ZNF736: variants seen among roughly 807,000 people sequenced by gnomAD.
ZNF736 encodes the protein KRAB-containing zinc-finger repressor protein.
In ZNF736, 6 loss-of-function variants were observed where a neutral mutation model predicts 11.7. That is an observed-to-expected ratio of 0.51 (90% CI 0.28 to 1.01). The LOEUF is 1.01. Ranked by LOEUF, ZNF736 falls within the 50% of genes least tolerant of loss-of-function variation. The probability of loss-of-function intolerance (pLI) is 0.09; values close to 1 mark genes in which losing one functional copy is unlikely to be tolerated. For missense variants in ZNF736, 444 were observed against 496.0 expected, an observed-to-expected ratio of 0.90 and a Z score of 1.00; for synonymous variants, 139 against 164.7, an observed-to-expected ratio of 0.84 and a Z score of 1.19.
chr7:64,343,233 CA>C (rs957411174), intron 3 of ZNF736, among the ~76,000 whole-genome samples: 2 of 151,388 alleles, frequency 1.3e-5, no homozygotes, highest in Non-Finnish European at 2.9e-5. Flanking sequence ...ACTACACAGC[CA>C]AAAAAAATTG....
rs1160711305 is a variant in ZNF736, at chr7:64,356,236, G to C, written c.*7089G>C. 6.6e-6 allele frequency: 1 copy of C among 152,080 alleles called. No individual in the cohort carries two copies. 9.4% of individuals were successfully genotyped at this position (152,080 alleles called of 1,614,324 possible). A position where few individuals can be genotyped will look rare whatever the true frequency, so the allele number is the denominator to read the frequency against. ...TAAATGAATCTATTTCAGTTTTTGT[G>C]GGTAATTTAGCCAGTAAATTTAATC... is the stretch of plus-strand genomic sequence containing the variant. On this transcript the variant is annotated 3_prime_UTR_variant, in exon 4 of 4. Coordinates refer to ENST00000423484, the MANE Select transcript of ZNF736 (RefSeq NM_001170905.3).
chr7:64,335,059 C>T (rs1195010431), intron 1 of ZNF736, among the ~76,000 whole-genome samples: 4 of 152,100 alleles, frequency 2.6e-5, no homozygotes, highest in East Asian at 1.9e-4. Flanking sequence ...AACCAAACAC[C>T]GCATGTTCTC....
At chr7:64,320,928 C>T (rs1478497828) in intron 1 of ZNF736, among the ~76,000 whole-genome samples, 1 of 152,156 alleles carries the variant, frequency 6.6e-6, no homozygotes, top group Non-Finnish European at 1.5e-5. Context: ...TTTACCCAGG[C>T]ATTTGCAAGA....
Position 64,348,246 on chromosome 7 carries a change from G to A in ZNF736, c.383G>A (p.Ser128Asn). ...GTGGGTAATTGCAAGGGGCAGAAAA[G>A]CAGTTATAATGGCCTTCATCAATGT... ...QSVGNCKGQK[S>N]SYNGLHQCLS... Residue 128 changes from serine to asparagine, a missense_variant, in exon 4 of 4, where the codon AGC becomes AAC. Transcript: ENST00000423484. 1 of 1,551,972 alleles carries A rather than the reference G, an allele frequency of 6.4e-7. No homozygotes were observed. Among genetic ancestry groups the A allele is most frequent in the South Asian group, 1.2e-5 (1 of 84,050 alleles).
chr7:64,352,790 A>G lies in ZNF736; in HGVS notation c.*3643A>G, dbSNP rs565768425. ...TCAAAGCCTGAAGGCTGGAATGGCT[A>G]AGTTGCTCAAGCAGCAAAGATGGTG... is the stretch of plus-strand genomic sequence containing the variant. On this transcript the variant is annotated 3_prime_UTR_variant, in exon 4 of 4. Transcript: ENST00000423484. 2 of 152,470 alleles carry G rather than the reference A, an allele frequency of 1.3e-5. No individual in the cohort carries two copies. The highest frequency in any genetic ancestry group is 3.9e-4 in the East Asian group (2 of 5,162). 9.4% of individuals were successfully genotyped at this position (152,470 alleles called of 1,614,324 possible).
chr7:64,338,450 C>A (rs1273034889), intron 3 of ZNF736, among the ~76,000 whole-genome samples: 1 of 152,168 alleles, frequency 6.6e-6, no homozygotes, highest in African/African-American at 2.4e-5. Flanking sequence ...GTTACCATAA[C>A]TTGTTTGTCT....
Position 64,348,629 on chromosome 7 carries a change from C to A in ZNF736, c.766C>A (p.Pro256Thr), listed in dbSNP as rs1445435203. Residue 256 changes from proline to threonine, a missense_variant, in exon 4 of 4, where the codon CCC becomes ACC. By Grantham distance (38) the Pro-to-Thr change is conservative. Coordinates refer to ENST00000423484, the MANE Select transcript of ZNF736 (RefSeq NM_001170905.3). ...CAAGAGAAATCATACTGGAGACAGA[C>A]CCTACAAATGTGAAGAATGTGGCAA... ...KHKRNHTGDR[P>T]YKCEECGKAF... 2 of 1,605,384 alleles carry A rather than the reference C, an allele frequency of 1.2e-6. No individual in the cohort carries two copies. Among genetic ancestry groups the A allele is most frequent in the Admixed American group, 1.7e-5 (1 of 58,668 alleles).
intron 3 of ZNF736, 54 bp downstream of exon 3, chr7:64,337,036 G>C: frequency 6.9e-7 from 1 of 1,459,676 alleles, no homozygotes; most frequent in South Asian, 1.2e-5. Flanking sequence ...CAATGTCAAG[G>C]AGGAAGCCAA....
At chr7:64,346,328 CTTT>C (rs796207677) in intron 3 of ZNF736, among the ~76,000 whole-genome samples, 1 of 136,128 alleles carries the variant, frequency 7.3e-6, no homozygotes, top group Non-Finnish European at 1.6e-5. Flanking sequence ...GCCATTTTGT[CTTT>C]TTTTTTTATT....
Position 64,355,169 on chromosome 7 carries a change from A to T in ZNF736, c.*6022A>T. On this transcript the variant is annotated 3_prime_UTR_variant, in exon 4 of 4. Transcript: ENST00000423484. ...ATTTTCAGATTATGTTTCTACATTT[A>T]AACATCTACTGGGGGAGGCAGAGGC... 6.2e-6 allele frequency: 1 copy of T among 161,802 alleles called. No homozygotes were observed. The allele number at this position is 161,802 out of a possible 1,614,324, so 10.0% of individuals were successfully genotyped here. A position where few individuals can be genotyped will look rare whatever the true frequency, so the allele number is the denominator to read the frequency against.
In ZNF736 at chr7:64,348,493, TAA is replaced by T. The variant is rs1304265271; in HGVS notation, c.634_635del (p.Lys212ValfsTer6). ...AATGTGAAGAATGTGGCAAAGCGTT[TAA>T]AAAGTTTTCAAACCTTACTGAACAT... ...YKCEECGKAFKKFSNLTEHKR... is the reference protein window; with the variant it reads ...YKCEECGKAFXKFSNLTEHKR... On this transcript the variant is annotated frameshift_variant, in exon 4 of 4. Coordinates refer to ENST00000423484, the MANE Select transcript of ZNF736 (RefSeq NM_001170905.3). LOFTEE classifies it low-confidence loss of function (END_TRUNC). 1.3e-6 allele frequency: 2 copies of T among 1,562,248 alleles called. No homozygotes were observed. The highest frequency in any genetic ancestry group is 2.7e-5 in the African/African-American group (2 of 73,284).
chr7:64,346,720 A>AT (rs1403670284), intron 3 of ZNF736, among the ~76,000 whole-genome samples: 2 of 151,542 alleles, frequency 1.3e-5, no homozygotes, highest in Non-Finnish European at 1.5e-5. Flanking sequence ...ATTTTCTTAT[A>AT]TTTTTTACTA....
At chr7:64,329,312 T>A (rs1421447990) in intron 1 of ZNF736, among the ~76,000 whole-genome samples, 3 of 152,192 alleles carry the variant, frequency 2.0e-5, no homozygotes, top group African/African-American at 7.2e-5. Context: ...TTTGTGAATG[T>A]TCATTGAAGT....
intron 1 of ZNF736, among the ~76,000 whole-genome samples, chr7:64,319,153 G>A (rs576830579): frequency 6.6e-6 from 1 of 151,850 alleles, no homozygotes; most frequent in African/African-American, 2.4e-5. Flanking sequence ...GTCGGCAAGA[G>A]AAGAAACGGA....
In ZNF736 at chr7:64,355,256, C is replaced by T. The variant is rs186248776; in HGVS notation, c.*6109C>T. 211 of 171,554 alleles carry T rather than the reference C, an allele frequency of 1.2e-3. No individual in the cohort carries two copies. Among genetic ancestry groups the T allele is most frequent in the Non-Finnish European group, 1.7e-3 (119 of 71,546 alleles). 10.6% of individuals were successfully genotyped at this position (171,554 alleles called of 1,614,324 possible). A position where few individuals can be genotyped will look rare whatever the true frequency, so the allele number is the denominator to read the frequency against. On this transcript the variant is annotated 3_prime_UTR_variant, in exon 4 of 4. Transcript: ENST00000423484. ...GGTTAAGAGTATGCACCACAGGTATCGAAACCTAAAATGCCCTGAACTCTT... is the reference window on the plus strand; with the variant it reads ...GGTTAAGAGTATGCACCACAGGTATTGAAACCTAAAATGCCCTGAACTCTT...
intron 1 of ZNF736, among the ~76,000 whole-genome samples, chr7:64,315,106 C>G (rs796615114): frequency 6.6e-6 from 1 of 152,146 alleles, no homozygotes; most frequent in African/African-American, 2.4e-5. Flanking sequence ...TTTTCAAGCT[C>G]TTGCTTCACC....
chr7:64,323,964 A>G (rs112028619), intron 1 of ZNF736, among the ~76,000 whole-genome samples: 3,711 of 152,302 alleles, frequency 0.024, 159 homozygotes, highest in African/African-American at 0.085. Context: ...CATAGTAAAC[A>G]CATACCAACT....
intron 1 of ZNF736, among the ~76,000 whole-genome samples, chr7:64,321,882 C>T (rs1315001838): frequency 2.6e-5 from 4 of 152,182 alleles, no homozygotes; most frequent in Non-Finnish European, 4.4e-5. Context: ...GCCTGGAAGA[C>T]TCAGATGCAT....
rs1211306083 is a variant in ZNF736, at chr7:64,337,749, T to TTGG, written c.226+768_226+769insGGT. ...TTTTTTTGTTTTGTTTTGTTTTGTTTTTTTTGGTTTTTTTTTTTTTTTGAG... is the reference window on the plus strand; with the variant it reads ...TTTTTTTGTTTTGTTTTGTTTTGTTTTGGTTTTTGGTTTTTTTTTTTTTTTGAG... On this transcript the variant is annotated intron_variant, in intron 3 of 3. Coordinates refer to ENST00000423484, the MANE Select transcript of ZNF736 (RefSeq NM_001170905.3). Among the ~76,000 whole-genome samples the TTGG allele has an allele frequency of 6.2e-3, 445 of 71,314 alleles. 5 individuals carry two copies. The highest frequency in any genetic ancestry group is 0.018 in the African/African-American group (396 of 22,422). 46.8% of individuals were successfully genotyped at this position (71,314 alleles called of 152,430 possible). A position where few individuals can be genotyped will look rare whatever the true frequency, so the allele number is the denominator to read the frequency against.
Sources: gnomAD v4.1 joint callset for allele counts (sites outside exome capture counted in the v4.1 genomes callset) on GRCh38, gnomAD v4.1.1 for gene constraint, MANE v1.5 for transcripts, NCBI Gene and HGNC (gene_info 2026-07-23, HGNC 2026-07-21) for gene names.